OPHN1: variants seen among roughly 807,000 people sequenced by gnomAD.
OPHN1 encodes oligophrenin-1.
In OPHN1, 11 loss-of-function variants were observed where a neutral mutation model predicts 60.7. The observed-to-expected ratio is 0.18, with a 90% CI of 0.11 to 0.30. The LOEUF (loss-of-function observed/expected upper bound fraction) is 0.30, where lower values mean the gene tolerates loss of function less well. Among genes scored for constraint, OPHN1 ranks in the 10% least tolerant of loss-of-function variants. The pLI is 1.00. For synonymous variants in OPHN1, 226 were observed against 222.6 expected (o/e 1.02, Z -0.14); for missense variants, 449 against 611.0 (o/e 0.73, Z 2.80).
chrX:68,320,131 C>A lies in OPHN1; in HGVS notation c.155-21035G>T, dbSNP rs76168989. Reference sequence around the variant, plus strand: ...TTGAGAGGCTGAGATGGGTGGATCACTTGAGGTCAGGAGTTCGAGACCAGC... The same window carrying A: ...TTGAGAGGCTGAGATGGGTGGATCAATTGAGGTCAGGAGTTCGAGACCAGC... On this transcript the variant is annotated intron_variant, in intron 2 of 24. Coordinates refer to ENST00000355520, the MANE Select transcript of OPHN1 (RefSeq NM_002547.3). 3.5e-4 allele frequency among the ~76,000 whole-genome samples: 39 copies of A among 111,247 alleles called. No homozygotes were observed. The East Asian group carries it at 0.011, about 32-fold the overall frequency.
intron 11 of OPHN1, among the ~76,000 whole-genome samples, chrX:68,199,925 G>A (rs778439574): frequency 1.3e-3 from 150 of 111,617 alleles, no homozygotes; most frequent in Non-Finnish European, 2.3e-3. Context: ...GCTGGACATG[G>A]TGGCACACGC....
At chrX:68,221,150 C>A (rs1176213631) in intron 6 of OPHN1, among the ~76,000 whole-genome samples, 39 of 79,056 alleles carry the variant, frequency 4.9e-4, no homozygotes, top group African/African-American at 1.6e-3. Flanking sequence ...AGACAGAGAG[C>A]CAAATCATGA....
At chrX:68,317,557 AAGAAAGAAAGAAAGAAAG>A (rs1310704685) in intron 2 of OPHN1, among the ~76,000 whole-genome samples, 6 of 89,230 alleles carry the variant, frequency 6.7e-5, no homozygotes, top group South Asian at 5.7e-4. Flanking sequence ...GAAAGAAAGA[AAGAAAGAAAGAAAGAAAG>A]AGAAAGAAAG....
intron 5 of OPHN1, among the ~76,000 whole-genome samples, chrX:68,243,451 G>A (rs778571395): frequency 2.6e-4 from 29 of 111,519 alleles, no homozygotes; most frequent in Non-Finnish European, 4.1e-4. Flanking sequence ...GCAGTGGCAC[G>A]ATCTCAGCTC....
intron 15 of OPHN1, among the ~76,000 whole-genome samples, chrX:68,170,519 C>T (rs776036467): frequency 9.1e-6 from 1 of 109,646 alleles, no homozygotes; most frequent in South Asian, 4.0e-4. Flanking sequence ...ATAGCAAAGA[C>T]TTGGAACCAA....
At chrX:68,142,242 G>A (rs781374657) in intron 15 of OPHN1, among the ~76,000 whole-genome samples, 63 of 112,339 alleles carry the variant, frequency 5.6e-4, no homozygotes, top group African/African-American at 1.7e-3. Context: ...GGAAAATTAC[G>A]AGCATGCTCA....
intron 20 of OPHN1, among the ~76,000 whole-genome samples, chrX:68,068,634 G>T (rs1481135156): frequency 9.0e-6 from 1 of 111,084 alleles, no homozygotes; most frequent in African/African-American, 3.3e-5. Flanking sequence ...GTGCATGAAT[G>T]TTCACAGCGG....
chrX:68,332,118 CAT>C (rs1452005554), intron 2 of OPHN1, among the ~76,000 whole-genome samples: 1 of 111,845 alleles, frequency 8.9e-6, no homozygotes, highest in East Asian at 2.8e-4. Context: ...ATCTTGAGGA[CAT>C]GTGTACACAG....
intron 20 of OPHN1, among the ~76,000 whole-genome samples, chrX:68,065,197 T>C (rs1172325591): frequency 1.8e-5 from 2 of 111,257 alleles, no homozygotes; most frequent in Non-Finnish European, 3.8e-5. Context: ...CTGAGATATA[T>C]ATCAACCAAT....
chrX:68,205,876 A>G (rs1211986941), intron 10 of OPHN1, among the ~76,000 whole-genome samples: 1 of 111,511 alleles, frequency 9.0e-6, no homozygotes, highest in African/African-American at 3.3e-5. Context: ...TAAAGGGGAA[A>G]GAGGCACATT....
At chrX:68,136,583 G>A (rs925035350) in intron 15 of OPHN1, among the ~76,000 whole-genome samples, 26 of 111,236 alleles carry the variant, frequency 2.3e-4, no homozygotes, top group South Asian at 7.6e-4. Context: ...GATTACAGGC[G>A]TGAGCCACCG....
chrX:68,373,580 A>G (rs780620857), intron 2 of OPHN1, among the ~76,000 whole-genome samples: 1 of 111,315 alleles, frequency 9.0e-6, no homozygotes, highest in Admixed American at 9.7e-5. Flanking sequence ...CCAGAACCCT[A>G]CCTCAGCACT....
chrX:68,130,230 T>C (rs1405938773), intron 15 of OPHN1, among the ~76,000 whole-genome samples: 1 of 111,564 alleles, frequency 9.0e-6, no homozygotes, highest in East Asian at 2.8e-4. Context: ...CACTGGTACC[T>C]ACTAGCTATT....
intron 3 of OPHN1, among the ~76,000 whole-genome samples, chrX:68,294,455 A>G (rs922440565): frequency 1.0e-5 from 1 of 98,008 alleles, no homozygotes; most frequent in Non-Finnish European, 2.1e-5. Flanking sequence ...CCTGGGTGAC[A>G]AGAGTGAGAC....
At chrX:68,368,354 G>A (rs1006087180) in intron 2 of OPHN1, among the ~76,000 whole-genome samples, 1 of 111,003 alleles carries the variant, frequency 9.0e-6, no homozygotes, top group Non-Finnish European at 1.9e-5. Context: ...AACATAGCAA[G>A]ACCTCATCAG....
At chrX:68,302,905 G>T (rs2078127695) in intron 2 of OPHN1, among the ~76,000 whole-genome samples, 1 of 111,183 alleles carries the variant, frequency 9.0e-6, no homozygotes, top group Non-Finnish European at 1.9e-5. Flanking sequence ...GTCTAGGTGA[G>T]AGTGAGACCC....
intron 21 of OPHN1, among the ~76,000 whole-genome samples, chrX:68,062,507 A>T (rs1252860733): frequency 8.9e-6 from 1 of 112,438 alleles, no homozygotes; most frequent in Non-Finnish European, 1.9e-5. Context: ...ATATAAAAAG[A>T]GGCAGTGCAG....
intron 2 of OPHN1, among the ~76,000 whole-genome samples, chrX:68,378,914 G>C (rs1378655537): frequency 9.0e-6 from 1 of 111,190 alleles, no homozygotes; most frequent in Non-Finnish European, 1.9e-5. Flanking sequence ...TTGGCAATGC[G>C]GGCTCTTTTT....
intron 15 of OPHN1, among the ~76,000 whole-genome samples, chrX:68,170,886 A>C (rs1227557888): frequency 1.8e-5 from 2 of 108,882 alleles, no homozygotes; most frequent in African/African-American, 6.7e-5. Context: ...TACATATGTA[A>C]CTAAACTGCA....
Sources: gnomAD v4.1 joint callset for allele counts (sites outside exome capture counted in the v4.1 genomes callset) on GRCh38, gnomAD v4.1.1 for gene constraint, MANE v1.5 for transcripts, NCBI Gene and HGNC (gene_info 2026-07-23, HGNC 2026-07-21) for gene names.